RFFL: variants seen among roughly 807,000 people sequenced by gnomAD.
RFFL encodes ring finger and FYVE like domain containing E3 ubiquitin protein ligase, also known as E3 ubiquitin-protein ligase rififylin.
Under a neutral mutation model 40.4 loss-of-function variants are expected in RFFL, and 16 were observed. The ratio of observed to expected loss-of-function variants is 0.40; its 90% confidence interval spans 0.27 to 0.60. The LOEUF (loss-of-function observed/expected upper bound fraction) is 0.60. Ranked by LOEUF, RFFL falls within the 20% of genes least tolerant of loss-of-function variation. The probability of loss-of-function intolerance (pLI) is 0.47; values close to 1 mark genes in which losing one functional copy is unlikely to be tolerated. For synonymous variants in RFFL, 154 were observed against 167.9 expected, an observed-to-expected ratio of 0.92 and a Z score of 0.64; for missense variants, 367 against 451.7, an observed-to-expected ratio of 0.81 and a Z score of 1.70.
Position 35,021,503 on chromosome 17 carries a change from T to TG in RFFL, c.458dup (p.Asp154ArgfsTer4). 6.2e-7 allele frequency: 1 copy of TG among 1,602,654 alleles called. No individual in the cohort carries two copies. Among genetic ancestry groups the TG allele is most frequent in the Non-Finnish European group, 8.5e-7 (1 of 1,174,726 alleles). On this transcript the variant is annotated frameshift_variant, in exon 3 of 7. Coordinates refer to ENST00000394597, the MANE Select transcript of RFFL (RefSeq NM_001017368.2). LOFTEE classifies it high-confidence loss of function. The stretch of plus-strand genomic sequence containing the variant: ...GGAAGGCCTGCTGCTCAGGAAAGTC[T>TG]GGGGACAAGGTGGAGGCACGAGTCC...
Position 35,026,509 on chromosome 17 carries a change from A to G in RFFL, c.45T>C (p.Pro15=), listed in dbSNP as rs2091041972. Residue 15 remains proline (P), a synonymous_variant, in exon 2 of 7, where the codon CCT becomes CCC. Coordinates refer to ENST00000394597, the MANE Select transcript of RFFL (RefSeq NM_001017368.2). ...CCNWFCLDGQ[P]EEVPPPQGAR... is the part of the protein sequence containing the mutation. ...CTCCCTGGGGTGGTGGGACCTCCTC[A>G]GGCTGTCCATCCAGGCAGAACCAGT... The G allele has an allele frequency of 6.2e-7, 1 of 1,611,920 alleles. No individual in the cohort carries two copies. Among genetic ancestry groups the G allele is most frequent in the Non-Finnish European group, 8.5e-7 (1 of 1,179,396 alleles).
At chr17:35,079,319 A>G (rs1196263115) in intron 1 of RFFL, among the ~76,000 whole-genome samples, 1 of 152,108 alleles carries the variant, frequency 6.6e-6, no homozygotes, top group Admixed American at 6.5e-5. Flanking sequence ...CCACCGCCCA[A>G]CCTGTTTGTG....
intron 1 of RFFL, among the ~76,000 whole-genome samples, chr17:35,029,043 A>G (rs1480512961): frequency 1.3e-5 from 2 of 152,022 alleles, no homozygotes; most frequent in East Asian, 3.9e-4. Context: ...ACAATATCTA[A>G]GTCTTAACTA....
chr17:35,028,570 C>A (rs532557994), intron 1 of RFFL, among the ~76,000 whole-genome samples: 8 of 152,172 alleles, frequency 5.3e-5, no homozygotes, highest in Middle Eastern at 3.4e-3. Flanking sequence ...CATGTAGATA[C>A]TTTGAGCCTG....
rs887060885 is a variant in RFFL at position 35,006,439 on chromosome 17, A to T, written c.*5529T>A. 2 of 152,366 alleles carry T rather than the reference A, an allele frequency of 1.3e-5. No individual in the cohort carries two copies. Among genetic ancestry groups the T allele is most frequent in the African/African-American group, 4.8e-5 (2 of 41,454 alleles). The allele number at this position is 152,366 out of a possible 1,614,324, so 9.4% of individuals were successfully genotyped here. On this transcript the variant is annotated 3_prime_UTR_variant, in exon 7 of 7. Transcript: ENST00000394597. ...CAAGTTACGTTAACATCTAAGCCTCAATCCCTCCAAGTAGAATGGGTGCAC... is the reference window on the plus strand; with the variant it reads ...CAAGTTACGTTAACATCTAAGCCTCTATCCCTCCAAGTAGAATGGGTGCAC...
In RFFL at chr17:35,026,231, G is replaced by A. The variant is rs1220156849; in HGVS notation, c.180+143C>T. ...TGCTTTTACTCAGTTAGTTCTTCTT[G>A]AACATTTTTGTGAAAGGGACAGCTC... On this transcript the variant is annotated intron_variant, in intron 2 of 6. Coordinates refer to ENST00000394597, the MANE Select transcript of RFFL (RefSeq NM_001017368.2). 6 of 783,626 alleles carry A rather than the reference G, an allele frequency of 7.7e-6. No homozygotes were observed. The East Asian group carries it at 1.5e-4, about 19-fold the overall frequency. 48.5% of individuals were successfully genotyped at this position (783,626 alleles called of 1,614,324 possible).
In RFFL at chr17:35,008,919, C is replaced by A. The variant is rs2090916179; in HGVS notation, c.*3049G>T. The A allele has an allele frequency of 6.6e-6, 1 of 152,308 alleles. No individual in the cohort carries two copies. Among genetic ancestry groups the A allele is most frequent in the Non-Finnish European group, 1.5e-5 (1 of 68,100 alleles). 9.4% of individuals were successfully genotyped at this position (152,308 alleles called of 1,614,324 possible). On this transcript the variant is annotated 3_prime_UTR_variant, in exon 7 of 7. Transcript: ENST00000394597. Reference sequence around the variant, plus strand: ...GTGCTGGGATTACAGGCGTGAGCCACCGCACCCGGCCCTTGTTTGTTTTTT... The same window carrying A: ...GTGCTGGGATTACAGGCGTGAGCCAACGCACCCGGCCCTTGTTTGTTTTTT...
chr17:35,013,809 C>G (rs1216057489), intron 6 of RFFL, among the ~76,000 whole-genome samples: 1 of 152,042 alleles, frequency 6.6e-6, no homozygotes, highest in Non-Finnish European at 1.5e-5. Context: ...AAGGAAGCAC[C>G]AAGTAGATCA....
chr17:35,070,044 G>A (rs1390358452), intron 1 of RFFL, among the ~76,000 whole-genome samples: 3 of 151,758 alleles, frequency 2.0e-5, no homozygotes, highest in South Asian at 2.1e-4. Context: ...CATACACACC[G>A]AGAGAGGGAG....
chr17:35,068,280 C>T (rs1567715613), upstream of RFFL, among the ~76,000 whole-genome samples: 2 of 152,312 alleles, frequency 1.3e-5, no homozygotes, highest in South Asian at 4.1e-4. Context: ...CAAATGTCAA[C>T]TTATCGCCAG....
At chr17:35,053,286 AG>A (rs2091241894) in intron 1 of RFFL, among the ~76,000 whole-genome samples, 1 of 152,242 alleles carries the variant, frequency 6.6e-6, no homozygotes, top group Non-Finnish European at 1.5e-5. Context: ...AAGCAAGAAG[AG>A]GACAAAAAGG....
rs1169982483 is a variant in RFFL at position 35,076,717 on chromosome 17, A to ATAATAATAATAG, written c.-9+12387_-9+12388insCTATTATTATTA. The ATAATAATAATAG allele has an allele frequency of 2.1e-5, 3 of 142,608 alleles. No homozygotes were observed. The South Asian group carries it at 6.4e-4, about 31-fold the overall frequency. The allele number at this position is 142,608 out of a possible 1,614,324, so 8.8% of individuals were successfully genotyped here. On this transcript the variant is annotated intron_variant, in intron 1 of 6. Transcript: ENST00000315249. ...AATAATAATAATAATAATAATAATA[A>ATAATAATAATAG]TAATAGTAACAGAAGCCAGATGATG...
At chr17:35,044,906 C>CT in intron 1 of RFFL, among the ~76,000 whole-genome samples, 1 of 149,850 alleles carries the variant, frequency 6.7e-6, no homozygotes, top group East Asian at 2.0e-4. Context: ...GGGTCTCACT[C>CT]TGTCACCCAG....
At chr17:35,050,661 CAAA>C (rs1433147326) in intron 1 of RFFL, among the ~76,000 whole-genome samples, 1 of 73,856 alleles carries the variant, frequency 1.4e-5, no homozygotes. Context: ...CCAGGCTCTA[CAAA>C]AAAAAAAAAA....
intron 1 of RFFL, chr17:35,076,691 TAATAATAATAA>T (rs976154701): frequency 1.5e-5 from 2 of 132,626 alleles, no homozygotes; most frequent in African/African-American, 6.3e-5. Context: ...ATAATAATAA[TAATAATAATAA>T]TAATAATAAT....
At chr17:35,078,372 A>G (rs2091387647) in intron 1 of RFFL, among the ~76,000 whole-genome samples, 1 of 152,122 alleles carries the variant, frequency 6.6e-6, no homozygotes. Flanking sequence ...GTGCAACCAT[A>G]GTTCATTATA....
At chr17:35,041,376 A>G (rs965906506) in intron 1 of RFFL, among the ~76,000 whole-genome samples, 2 of 152,122 alleles carry the variant, frequency 1.3e-5, no homozygotes, top group Non-Finnish European at 1.5e-5. Context: ...CATCCACCCA[A>G]TGAAAGAAAT....
chr17:35,020,646 A>G (rs527482779), intron 3 of RFFL, among the ~76,000 whole-genome samples: 1 of 152,038 alleles, frequency 6.6e-6, no homozygotes, highest in Non-Finnish European at 1.5e-5. Context: ...TTCTTATACA[A>G]CAATTATGTC....
At chr17:35,053,395 G>A (rs1597832485) in intron 1 of RFFL, among the ~76,000 whole-genome samples, 2 of 152,148 alleles carry the variant, frequency 1.3e-5, no homozygotes, top group Admixed American at 1.3e-4. Flanking sequence ...AGAAAAAACA[G>A]GGAGGGGCAT....
Sources: gnomAD v4.1 joint callset for allele counts (sites outside exome capture counted in the v4.1 genomes callset) on GRCh38, gnomAD v4.1.1 for gene constraint, MANE v1.5 for transcripts, NCBI Gene and HGNC (gene_info 2026-07-23, HGNC 2026-07-21) for gene names.